CDC14A: variants seen among roughly 807,000 people sequenced by gnomAD.
CDC14A encodes the protein cell division cycle 14A.
CDC14A carries 53 observed loss-of-function variants against 74.4 expected under a neutral mutation model. The ratio of observed to expected loss-of-function variants is 0.71; its 90% CI spans 0.57 to 0.89. CDC14A has a LOEUF of 0.89. Among genes scored for constraint, CDC14A ranks in the 40% least tolerant of loss-of-function variants. The probability of loss-of-function intolerance (pLI) is 0.00; values close to 1 mark genes in which losing one functional copy is unlikely to be tolerated. For synonymous variants in CDC14A, 247 were observed against 258.4 expected, an observed-to-expected ratio of 0.96 and a Z score of 0.43; for missense variants, 646 against 713.7, an observed-to-expected ratio of 0.91 and a Z score of 1.08.
At chr1:100,371,976 T>G (rs1368308550) in intron 2 of CDC14A, among the ~76,000 whole-genome samples, 2 of 152,196 alleles carry the variant, frequency 1.3e-5, no homozygotes, top group Non-Finnish European at 2.9e-5. Context: ...GCAGGTTTGG[T>G]TCTAGACCAC....
At chr1:100,419,202 AAGAG>A (rs1208714183) in intron 4 of CDC14A, among the ~76,000 whole-genome samples, 1 of 152,108 alleles carries the variant, frequency 6.6e-6, no homozygotes, top group Non-Finnish European at 1.5e-5. Flanking sequence ...AATAAATAAA[AAGAG>A]AGAGACTGAC....
rs149579001 is a variant in CDC14A, at chr1:100,368,920, C to T, written c.141-8626C>T. 1.9e-3 allele frequency among the ~76,000 whole-genome samples: 296 copies of T among 152,176 alleles called. 6 individuals are homozygous for T. The highest frequency in any genetic ancestry group is 2.3e-3 in the East Asian group (12 of 5,182). On this transcript the variant is annotated intron_variant, in intron 2 of 15. Coordinates refer to ENST00000336454, the MANE Select transcript of CDC14A (RefSeq NM_003672.4). Reference sequence around the variant, plus strand: ...CATCCATGTTGCTGCAAAGATAGAACGATTTATTTTCTTTTGGATATATAC... The same window carrying T: ...CATCCATGTTGCTGCAAAGATAGAATGATTTATTTTCTTTTGGATATATAC...
intron 12 of CDC14A, 61 bp downstream of exon 12, chr1:100,494,991 ATCTTC>A: frequency 1.2e-6 from 1 of 837,006 alleles, no homozygotes; most frequent in Non-Finnish European, 2.0e-6. Flanking sequence ...AGAACATTTC[ATCTTC>A]TCTTTAATCT....
intron 6 of CDC14A, among the ~76,000 whole-genome samples, chr1:100,441,650 G>GTTTT (rs35544438): frequency 7.2e-6 from 1 of 138,482 alleles, no homozygotes; most frequent in Non-Finnish European, 1.6e-5. Flanking sequence ...GATGAACTCA[G>GTTTT]TTTTTTTTTT....
At chr1:100,377,650 G>C in intron 3 of CDC14A, 29 bp downstream of exon 3, 1 of 1,534,490 alleles carries the variant, frequency 6.5e-7, no homozygotes, top group Non-Finnish European at 9.0e-7. Context: ...TTTATAATTT[G>C]GAATTAAAAC....
intron 11 of CDC14A, among the ~76,000 whole-genome samples, chr1:100,487,559 CAAA>C (rs1318628287): frequency 3.8e-5 from 2 of 52,596 alleles, no homozygotes; most frequent in African/African-American, 7.9e-5. Context: ...GACTCGGTCT[CAAA>C]AACAAAACAG....
At chr1:100,416,582 A>G (rs1253457525) in intron 4 of CDC14A, among the ~76,000 whole-genome samples, 1 of 152,166 alleles carries the variant, frequency 6.6e-6, no homozygotes, top group Non-Finnish European at 1.5e-5. Flanking sequence ...ACAACCTCAT[A>G]TTCTGATGTT....
At chr1:100,442,389 T>TA (rs1665048113) in intron 6 of CDC14A, among the ~76,000 whole-genome samples, 1 of 146,662 alleles carries the variant, frequency 6.8e-6, no homozygotes, top group Non-Finnish European at 1.5e-5. Context: ...ATACTATATA[T>TA]TATATATAAA....
chr1:100,424,011 T>G, intron 4 of CDC14A: 1 of 500,168 alleles, frequency 2.0e-6, no homozygotes, highest in African/African-American at 1.9e-5. Flanking sequence ...GGATCTGCCC[T>G]CTGTCTCTAA....
rs141907726 is a variant in CDC14A, at chr1:100,368,051, A to G, written c.141-9495A>G. Reference sequence around the variant, plus strand: ...AACAGGATAAAAATTACCAGGGCCTATTCTCACTGTTGGGAAATAATTGGG... The same window carrying G: ...AACAGGATAAAAATTACCAGGGCCTGTTCTCACTGTTGGGAAATAATTGGG... On this transcript the variant is annotated intron_variant, in intron 2 of 15. Coordinates refer to ENST00000336454, the MANE Select transcript of CDC14A (RefSeq NM_003672.4). Among the ~76,000 whole-genome samples, 38 of 152,352 alleles carry G rather than the reference A, an allele frequency of 2.5e-4. No homozygotes were observed. In the East Asian group the frequency reaches 6.4e-3, roughly 25 times the overall value.
intron 4 of CDC14A, among the ~76,000 whole-genome samples, chr1:100,404,642 A>G (rs1056801043): frequency 7.2e-5 from 11 of 152,114 alleles, no homozygotes; most frequent in Non-Finnish European, 1.2e-4. Flanking sequence ...CATCCTGGCT[A>G]ACATGGTGAA....
At chr1:100,504,409 C>T (rs912359054) in intron 15 of CDC14A, among the ~76,000 whole-genome samples, 8 of 152,176 alleles carry the variant, frequency 5.3e-5, no homozygotes, top group African/African-American at 1.9e-4. Flanking sequence ...TAACTTGTCT[C>T]TTTCCACCTT....
chr1:100,377,051 G>A (rs75165341), intron 2 of CDC14A, among the ~76,000 whole-genome samples: 3 of 102,360 alleles, frequency 2.9e-5, no homozygotes, highest in African/African-American at 1.5e-4. Context: ...TTTTTTTTTT[G>A]CGATGGAGTT....
chr1:100,360,737 C>T (rs936629981), intron 2 of CDC14A, among the ~76,000 whole-genome samples: 3 of 152,096 alleles, frequency 2.0e-5, no homozygotes, highest in Admixed American at 6.6e-5. Flanking sequence ...CTTAGGCATT[C>T]GGTGTAGAGT....
At chr1:100,409,833 C>G (rs1324842366) in intron 4 of CDC14A, among the ~76,000 whole-genome samples, 1 of 152,198 alleles carries the variant, frequency 6.6e-6, no homozygotes, top group Admixed American at 6.5e-5. Context: ...TAATAGTTAT[C>G]AGTTCCTAAT....
At chr1:100,428,849 G>A (rs1488609670) in intron 5 of CDC14A, among the ~76,000 whole-genome samples, 1 of 152,098 alleles carries the variant, frequency 6.6e-6, no homozygotes, top group African/African-American at 2.4e-5. Flanking sequence ...TGGTCCATAT[G>A]TATCAGGTTG....
intron 3 of CDC14A, chr1:100,383,743 C>T (rs939711603): frequency 6.6e-6 from 1 of 152,280 alleles, no homozygotes; most frequent in Non-Finnish European, 1.5e-5. Flanking sequence ...TGCATGGGCT[C>T]TATTTTTATT....
Position 100,443,003 on chromosome 1 carries a change from A to G in CDC14A, c.519+7A>G. 1 of 1,556,766 alleles carries G rather than the reference A, an allele frequency of 6.4e-7. No individual in the cohort carries two copies. ...TGAATATGAACATTATGAGGTTTGT[A>G]CATTTAATTTTTTTTACAAAACATA... is the stretch of plus-strand genomic sequence containing the variant. On this transcript the variant is annotated splice_region_variant and intron_variant, in intron 7 of 15. Coordinates refer to ENST00000336454, the MANE Select transcript of CDC14A (RefSeq NM_003672.4).
chr1:100,483,932 T>C (rs965498513), intron 10 of CDC14A, among the ~76,000 whole-genome samples: 3 of 152,198 alleles, frequency 2.0e-5, no homozygotes, highest in Non-Finnish European at 1.5e-5. Context: ...TTTTTATAAA[T>C]AGGCATATCA....
Sources: allele counts gnomAD v4.1 joint callset (sites outside exome capture counted in the v4.1 genomes callset), GRCh38; gene constraint gnomAD v4.1.1; transcripts MANE v1.5; gene names NCBI Gene and HGNC (gene_info 2026-07-23, HGNC 2026-07-21).